The following RHEX variants were observed in gnomAD, a reference collection of about 807,000 sequenced individuals.
RHEX encodes regulator of hemoglobinization and erythroid cell expansion protein.
A neutral mutation model predicts 20.1 loss-of-function variants in RHEX; 18 were observed. That is an observed-to-expected ratio of 0.90 (90% CI 0.62 to 1.33). The LOEUF is 1.33. Among genes scored for constraint, RHEX ranks in the 40% most tolerant of loss-of-function variants. The pLI is 0.00. For missense variants in RHEX, 192 were observed against 214.3 expected (o/e 0.90, Z 0.65); for synonymous variants, 87 against 77.1 (o/e 1.13, Z -0.67).
intron 1 of RHEX, among the ~76,000 whole-genome samples, chr1:206,087,876 G>A (rs190994610): frequency 2.6e-4 from 40 of 152,332 alleles, no homozygotes; most frequent in Non-Finnish European, 4.3e-4. Context: ...GTGAGGTTAT[G>A]TAGCTGTCAA....
chr1:206,063,677 G>A (rs1553283687), intron 1 of RHEX, among the ~76,000 whole-genome samples: 1 of 152,282 alleles, frequency 6.6e-6, no homozygotes, highest in East Asian at 1.9e-4. Context: ...TGCAGACGGA[G>A]TCTGGTTCAC....
intron 1 of RHEX, among the ~76,000 whole-genome samples, chr1:206,086,480 G>C (rs1055904670): frequency 6.6e-6 from 1 of 152,042 alleles, no homozygotes; most frequent in African/African-American, 2.4e-5. Context: ...ACCACGCCCG[G>C]CCAGCATTTT....
chr1:206,072,617 T>A (rs1408904018), intron 1 of RHEX, among the ~76,000 whole-genome samples: 1 of 152,132 alleles, frequency 6.6e-6, no homozygotes, highest in African/African-American at 2.4e-5. Context: ...TTTGTAAAAA[T>A]ACCATATTCC....
At position 206,097,686 on chromosome 1, in the gene RHEX, T is replaced by C. The variant is rs574023396; in HGVS notation, c.-96-47T>C. ...GTAGCTGAGTTTGCCCAAGGGAAATTTGTATAAAGAGCCCTGGAGTCCTGA... is the reference window on the plus strand; with the variant it reads ...GTAGCTGAGTTTGCCCAAGGGAAATCTGTATAAAGAGCCCTGGAGTCCTGA... On this transcript the variant is annotated intron_variant, in intron 1 of 5. Coordinates refer to ENST00000331555, the MANE Select transcript of RHEX (RefSeq NM_001007544.4). 48 of 1,289,204 alleles carry C rather than the reference T, an allele frequency of 3.7e-5. No homozygotes were observed. The Admixed American group carries it at 9.3e-4, about 25-fold the overall frequency. The allele number at this position is 1,289,204 out of a possible 1,614,324, so 79.9% of individuals were successfully genotyped here.
intron 1 of RHEX, among the ~76,000 whole-genome samples, chr1:206,057,250 C>T (rs923269081): frequency 1.1e-4 from 16 of 152,234 alleles, no homozygotes; most frequent in Admixed American, 2.0e-4. Context: ...GTGGAGGAAC[C>T]GTAACAGGAG....
intron 1 of RHEX, among the ~76,000 whole-genome samples, chr1:206,089,364 T>C (rs935246218): frequency 6.6e-6 from 1 of 152,132 alleles, no homozygotes; most frequent in African/African-American, 2.4e-5. Flanking sequence ...TTTTACAAAA[T>C]TGTGATTATA....
chr1:206,079,743 A>G (rs1183203207), intron 1 of RHEX, among the ~76,000 whole-genome samples: 2 of 152,132 alleles, frequency 1.3e-5, no homozygotes, highest in Admixed American at 1.3e-4. Flanking sequence ...TTTAGTAGAG[A>G]CGGGGTTTCA....
In RHEX at chr1:206,067,951, G is replaced by T. The variant is rs1662460480; in HGVS notation, c.-97+14686G>T. Among the ~76,000 whole-genome samples, 1 of 152,184 alleles carries T rather than the reference G, an allele frequency of 6.6e-6. No homozygotes were observed. Among genetic ancestry groups the T allele is most frequent in the Non-Finnish European group, 1.5e-5 (1 of 68,042 alleles). ...TAAGGAGGGTGGAATGGTTCACATC[G>T]ATAAGAAAATACGTACTCCATGGCT... is the stretch of plus-strand genomic sequence containing the variant. On this transcript the variant is annotated intron_variant, in intron 1 of 5. Coordinates refer to ENST00000331555, the MANE Select transcript of RHEX (RefSeq NM_001007544.4). This position sits in a 1 kb window ranked among gnomAD's most constrained non-coding sequence, Gnocchi z 4.6.
At chr1:206,061,062 T>C (rs567553358) in intron 1 of RHEX, 1 of 152,312 alleles carries the variant, frequency 6.6e-6, no homozygotes, top group East Asian at 1.9e-4. Flanking sequence ...GAAAGCTATA[T>C]ATAGTATAAG....
chr1:206,100,083 T>G (rs1336907896), intron 4 of RHEX, among the ~76,000 whole-genome samples: 2 of 152,244 alleles, frequency 1.3e-5, no homozygotes, highest in African/African-American at 4.8e-5. Flanking sequence ...CTTCTCTTTG[T>G]AAAGCCATGG....
intron 1 of RHEX, among the ~76,000 whole-genome samples, chr1:206,096,039 G>A (rs1553287625): frequency 1.3e-5 from 2 of 151,932 alleles, no homozygotes; most frequent in Non-Finnish European, 1.5e-5. Context: ...TATGTTACCC[G>A]GGCTGGTCTT....
In RHEX at chr1:206,102,072, A is replaced by G. The variant is rs572181728; in HGVS notation, c.*120A>G. The G allele has an allele frequency of 3.3e-5, 27 of 807,774 alleles. No homozygotes were observed. In the African/African-American group the frequency reaches 3.7e-4, roughly 11 times the overall value. The allele number at this position is 807,774 out of a possible 1,614,324, so 50.0% of individuals were successfully genotyped here. A position where few individuals can be genotyped will look rare whatever the true frequency, so the allele number is the denominator to read the frequency against. On this transcript the variant is annotated 3_prime_UTR_variant, in exon 6 of 6. Coordinates refer to ENST00000331555, the MANE Select transcript of RHEX (RefSeq NM_001007544.4). ...GCTCACAAGTCTATGGAGACAGGCCAAAAAGAATGTGGAGAAGAAAACTGA... is the reference window on the plus strand; with the variant it reads ...GCTCACAAGTCTATGGAGACAGGCCGAAAAGAATGTGGAGAAGAAAACTGA...
chr1:206,055,488 T>A (rs997012849), intron 1 of RHEX, among the ~76,000 whole-genome samples: 48 of 152,248 alleles, frequency 3.2e-4, no homozygotes, highest in African/African-American at 1.1e-3. Context: ...AAAAAAAAAA[T>A]AATAAGACAT....
intron 1 of RHEX, among the ~76,000 whole-genome samples, chr1:206,094,242 G>A (rs1641793120): frequency 6.6e-6 from 1 of 152,018 alleles, no homozygotes; most frequent in South Asian, 2.1e-4. Context: ...CTGATTGTCT[G>A]ATCAGCAGTC....
chr1:206,074,032 T>C (rs1553284946), intron 1 of RHEX, among the ~76,000 whole-genome samples: 1 of 152,084 alleles, frequency 6.6e-6, no homozygotes, highest in African/African-American at 2.4e-5. Flanking sequence ...TCGTACCCGC[T>C]CCCCTCTATC....
intron 1 of RHEX, among the ~76,000 whole-genome samples, chr1:206,056,863 A>G (rs1021540763): frequency 1.3e-5 from 2 of 152,268 alleles, no homozygotes; most frequent in Non-Finnish European, 2.9e-5. Flanking sequence ...GAGATGTGTC[A>G]ATACTGGTCT....
At chr1:206,072,678 T>C (rs1308859463) in intron 1 of RHEX, among the ~76,000 whole-genome samples, 2 of 152,128 alleles carry the variant, frequency 1.3e-5, no homozygotes, top group Non-Finnish European at 2.9e-5. Context: ...AAAAACTCAA[T>C]TTACTGAATT....
intron 1 of RHEX, among the ~76,000 whole-genome samples, chr1:206,054,274 G>T (rs1662140084): frequency 1.3e-5 from 2 of 152,140 alleles, no homozygotes; most frequent in South Asian, 4.1e-4. Context: ...AGAATTGTCG[G>T]CAAAAGTCGT....
At chr1:206,094,186 G>A (rs952372170) in intron 1 of RHEX, among the ~76,000 whole-genome samples, 6 of 152,004 alleles carry the variant, frequency 3.9e-5, no homozygotes, top group Non-Finnish European at 7.4e-5. Context: ...GTGTGTGTGT[G>A]TGTGTGTGTG....
Sources: gnomAD v4.1 joint callset for allele counts (sites outside exome capture counted in the v4.1 genomes callset) on GRCh38, gnomAD v4.1.1 for gene constraint, Gnocchi (gnomAD v3.1) non-coding constraint, MANE v1.5 for transcripts, NCBI Gene and HGNC (gene_info 2026-07-23, HGNC 2026-07-21) for gene names.